The following DLG2 variants were observed in gnomAD, a reference collection of about 807,000 sequenced individuals.
DLG2 encodes disks large homolog 2.
DLG2 carries 45 observed loss-of-function variants against 132.5 expected under a neutral mutation model. That is an observed-to-expected ratio of 0.34 (90% confidence interval 0.27 to 0.44). DLG2 has a LOEUF of 0.44. Ranked by LOEUF, DLG2 falls within the 20% of genes least tolerant of loss-of-function variation. DLG2 has a pLI of 1.00. For missense variants in DLG2, 1,045 were observed against 1,196.9 expected, an observed-to-expected ratio of 0.87 and a Z score of 1.87; for synonymous variants, 424 against 419.6, an observed-to-expected ratio of 1.01 and a Z score of -0.13.
chr11:85,477,325 G>A (rs1362710117), intron 3 of DLG2, among the ~76,000 whole-genome samples: 3 of 152,098 alleles, frequency 2.0e-5, no homozygotes, highest in African/African-American at 7.2e-5. Flanking sequence ...ATGAACTTAA[G>A]ACCTTGGTAT....
intron 4 of DLG2, among the ~76,000 whole-genome samples, chr11:85,249,275 T>G (rs2076282713): frequency 6.6e-6 from 1 of 151,986 alleles, no homozygotes; most frequent in Non-Finnish European, 1.5e-5. Flanking sequence ...ATTAATCAAC[T>G]ACTACTTTAA....
At chr11:84,680,053 T>C (rs533803434) in intron 6 of DLG2, among the ~76,000 whole-genome samples, 6 of 152,240 alleles carry the variant, frequency 3.9e-5, no homozygotes, top group Non-Finnish European at 7.4e-5. Flanking sequence ...AAATAAGCAA[T>C]GTTAGAGCCA....
chr11:85,519,699 CA>C (rs1214221866), intron 3 of DLG2, among the ~76,000 whole-genome samples: 5 of 152,236 alleles, frequency 3.3e-5, no homozygotes, highest in East Asian at 1.9e-4. Context: ...TGGGAGGGGT[CA>C]GGGGTGGAAT....
At chr11:84,714,599 T>TTTCTC (rs2060909566) in intron 6 of DLG2, among the ~76,000 whole-genome samples, 1 of 83,554 alleles carries the variant, frequency 1.2e-5, no homozygotes, top group African/African-American at 6.3e-5. Context: ...TTCTCTTTCT[T>TTTCTC]TCTCTTTCTC....
chr11:84,921,827 T>C (rs978954295), intron 6 of DLG2, among the ~76,000 whole-genome samples: 1 of 152,298 alleles, frequency 6.6e-6, no homozygotes, highest in African/African-American at 2.4e-5. Flanking sequence ...GGGCACACTT[T>C]TCATATTTTT....
intron 3 of DLG2, among the ~76,000 whole-genome samples, chr11:85,554,823 T>C (rs991424848): frequency 1.3e-5 from 2 of 151,752 alleles, no homozygotes; most frequent in African/African-American, 2.4e-5. Context: ...TGAGATTTTT[T>C]TTCGGACTTT....
At chr11:84,944,779 T>A (rs1027151342) in intron 6 of DLG2, among the ~76,000 whole-genome samples, 2 of 152,046 alleles carry the variant, frequency 1.3e-5, no homozygotes, top group African/African-American at 4.8e-5. Context: ...TAATTTTTTG[T>A]ATTTTTGGTA....
chr11:84,123,838 A>T (rs2094036254), intron 9 of DLG2, among the ~76,000 whole-genome samples: 1 of 152,182 alleles, frequency 6.6e-6, no homozygotes, highest in African/African-American at 2.4e-5. Flanking sequence ...CCACATCAGA[A>T]ATATAGGAGA....
At chr11:85,384,809 T>G (rs1198757806) in intron 3 of DLG2, among the ~76,000 whole-genome samples, 1 of 152,118 alleles carries the variant, frequency 6.6e-6, no homozygotes, top group Non-Finnish European at 1.5e-5. Flanking sequence ...TGTCCTTGAG[T>G]GATCCACCCA....
chr11:84,395,357 G>C (rs1470687452), intron 7 of DLG2, among the ~76,000 whole-genome samples: 2 of 151,900 alleles, frequency 1.3e-5, no homozygotes, highest in African/African-American at 4.8e-5. Context: ...AGGGCAGAAG[G>C]GGCCTTAGTG....
intron 3 of DLG2, among the ~76,000 whole-genome samples, chr11:85,311,567 C>T (rs2080313678): frequency 6.6e-6 from 1 of 152,080 alleles, no homozygotes; most frequent in Non-Finnish European, 1.5e-5. Context: ...AAGGATTACT[C>T]AGTCTCTGGT....
chr11:85,503,633 A>T (rs1290534981), intron 3 of DLG2, among the ~76,000 whole-genome samples: 2 of 152,112 alleles, frequency 1.3e-5, no homozygotes, highest in African/African-American at 4.8e-5. Context: ...TGGTGGCTTT[A>T]TAAGAAAAGA....
At chr11:83,751,204 C>A (rs1320309575) in intron 18 of DLG2, among the ~76,000 whole-genome samples, 2 of 152,158 alleles carry the variant, frequency 1.3e-5, no homozygotes, top group African/African-American at 4.8e-5. Flanking sequence ...AAATAACATT[C>A]TTGGCTAGAG....
At chr11:85,228,876 T>A (rs915407515) in intron 4 of DLG2, among the ~76,000 whole-genome samples, 1 of 151,554 alleles carries the variant, frequency 6.6e-6, no homozygotes, top group Admixed American at 6.6e-5. Context: ...CCATTTGTTT[T>A]CATTTGTTTC....
Position 84,368,111 on chromosome 11 carries a change from C to A in DLG2, c.520-116820G>T, listed in dbSNP as rs536104209. ...TATTGTATTGTCACAGTCTATGCAG[C>A]CAGTGACTTTGAAAACAATTCTAAA... is the stretch of plus-strand genomic sequence containing the variant. On this transcript the variant is annotated intron_variant, in intron 7 of 27. Coordinates refer to ENST00000376104, the MANE Select transcript of DLG2 (RefSeq NM_001142699.3). Among the ~76,000 whole-genome samples, 3 of 152,214 alleles carry A rather than the reference C, an allele frequency of 2.0e-5. No homozygotes were observed. In the South Asian group the frequency reaches 6.2e-4, roughly 32 times the overall value.
intron 3 of DLG2, among the ~76,000 whole-genome samples, chr11:85,388,797 G>C (rs955779932): frequency 6.6e-6 from 1 of 152,086 alleles, no homozygotes; most frequent in Non-Finnish European, 1.5e-5. Flanking sequence ...TAGGAGAAAC[G>C]GGAGAGCACC....
At chr11:83,490,365 A>G (rs2093770053) in intron 21 of DLG2, among the ~76,000 whole-genome samples, 1 of 152,042 alleles carries the variant, frequency 6.6e-6, no homozygotes, top group South Asian at 2.1e-4. Flanking sequence ...CTGATTACCA[A>G]AAATACATAA....
At chr11:83,702,999 A>AG (rs1660325443) in intron 18 of DLG2, among the ~76,000 whole-genome samples, 1 of 152,214 alleles carries the variant, frequency 6.6e-6, no homozygotes, top group Non-Finnish European at 1.5e-5. Flanking sequence ...TCCAGTCCCC[A>AG]GGGGGGAAAA....
intron 4 of DLG2, among the ~76,000 whole-genome samples, chr11:85,194,014 C>T (rs908563186): frequency 9.2e-5 from 14 of 152,174 alleles, no homozygotes; most frequent in African/African-American, 3.4e-4. Context: ...TGACTACTGG[C>T]CCCCAGGGCA....
Sources: gnomAD v4.1 joint callset for allele counts (sites outside exome capture counted in the v4.1 genomes callset) on GRCh38, gnomAD v4.1.1 for gene constraint, MANE v1.5 for transcripts, NCBI Gene and HGNC (gene_info 2026-07-23, HGNC 2026-07-21) for gene names.